TMEM163: variants seen among roughly 807,000 people sequenced by gnomAD.
The protein encoded by TMEM163 is transmembrane protein 163.
A neutral mutation model predicts 29.3 loss-of-function variants in TMEM163; 17 were observed. That is an observed-to-expected ratio of 0.58 (90% CI 0.40 to 0.87). The LOEUF is 0.87. Ranked by LOEUF, TMEM163 falls within the 40% of genes least tolerant of loss-of-function variation. The pLI is 0.00. For missense variants in TMEM163, 303 were observed against 381.5 expected, an observed-to-expected ratio of 0.79 and a Z score of 1.71; for synonymous variants, 157 against 160.6, an observed-to-expected ratio of 0.98 and a Z score of 0.17.
intron 1 of TMEM163, among the ~76,000 whole-genome samples, chr2:134,715,967 G>A (rs1184739000): frequency 6.6e-6 from 1 of 152,198 alleles, no homozygotes; most frequent in African/African-American, 2.4e-5. Context: ...TTATTTTGGA[G>A]AGGGGAAAGG....
chr2:134,503,703 C>A (rs1333535621), intron 4 of TMEM163, among the ~76,000 whole-genome samples: 1 of 152,098 alleles, frequency 6.6e-6, no homozygotes, highest in Non-Finnish European at 1.5e-5. Context: ...GAAGGTCAAC[C>A]AAGACACTCA....
intron 2 of TMEM163, among the ~76,000 whole-genome samples, chr2:134,628,035 T>C (rs549639353): frequency 3.9e-5 from 6 of 152,310 alleles, no homozygotes; most frequent in African/African-American, 1.2e-4. Flanking sequence ...TTATATATCA[T>C]TGAAAAAATG....
intron 4 of TMEM163, among the ~76,000 whole-genome samples, chr2:134,533,606 C>T (rs978233547): frequency 6.6e-6 from 1 of 152,138 alleles, no homozygotes; most frequent in Admixed American, 6.5e-5. Context: ...CAGGGCCTTC[C>T]ATATTCACAA....
At chr2:134,675,895 AC>A (rs950157706) in intron 2 of TMEM163, among the ~76,000 whole-genome samples, 2 of 152,188 alleles carry the variant, frequency 1.3e-5, no homozygotes, top group African/African-American at 4.8e-5. Context: ...TCAGGTCAGC[AC>A]CCCAACCCTA....
intron 2 of TMEM163, among the ~76,000 whole-genome samples, chr2:134,673,062 T>C (rs1049108526): frequency 6.6e-6 from 1 of 152,152 alleles, no homozygotes; most frequent in African/African-American, 2.4e-5. Flanking sequence ...CATTGAACTT[T>C]TGGCTCATAA....
At chr2:134,592,105 G>T (rs1207688653) in intron 2 of TMEM163, among the ~76,000 whole-genome samples, 1 of 152,150 alleles carries the variant, frequency 6.6e-6, no homozygotes, top group Admixed American at 6.5e-5. Context: ...TTTTGGATTG[G>T]CAACTGGTTT....
chr2:134,711,542 C>A (rs1379973091), intron 2 of TMEM163, among the ~76,000 whole-genome samples: 1 of 152,148 alleles, frequency 6.6e-6, no homozygotes, highest in Non-Finnish European at 1.5e-5. Flanking sequence ...GGTGTAAAAT[C>A]ATTTTTAAAA....
chr2:134,649,820 C>A (rs1034747712), intron 2 of TMEM163, among the ~76,000 whole-genome samples: 7 of 151,704 alleles, frequency 4.6e-5, no homozygotes, highest in African/African-American at 1.7e-4. Context: ...TTGAGACCAA[C>A]CTGGGCAATG....
intron 2 of TMEM163, among the ~76,000 whole-genome samples, chr2:134,690,688 A>G (rs577749318): frequency 1.3e-5 from 2 of 152,232 alleles, no homozygotes; most frequent in South Asian, 4.1e-4. Flanking sequence ...TGAGCAAACT[A>G]TGAAAAAACC....
intron 4 of TMEM163, among the ~76,000 whole-genome samples, chr2:134,541,776 A>G (rs201884752): frequency 2.6e-4 from 7 of 26,656 alleles, no homozygotes; most frequent in African/African-American, 8.1e-4. Context: ...ACACGTGCAC[A>G]CACACACACA....
Position 134,568,711 on chromosome 2 carries a change from GAAAC to G in TMEM163, c.323-16624_323-16621del, listed in dbSNP as rs201341931. On this transcript the variant is annotated intron_variant, in intron 2 of 7. Transcript: ENST00000281924. ...AAAAAAGGAAAGAAAGAAAAAGAAA[GAAAC>G]AAACAAAGAAACAAAGAAAGAAAGA... Among the ~76,000 whole-genome samples, 1,281 of 151,800 alleles carry G rather than the reference GAAAC, an allele frequency of 8.4e-3. 9 individuals carry two copies. The highest frequency in any genetic ancestry group is 0.011 in the Non-Finnish European group (778 of 67,860).
At chr2:134,517,706 G>A (rs771810179) in intron 4 of TMEM163, among the ~76,000 whole-genome samples, 4 of 152,096 alleles carry the variant, frequency 2.6e-5, no homozygotes, top group East Asian at 1.9e-4. Flanking sequence ...TGACTTAACC[G>A]CCAAGATCCT....
At chr2:134,518,873 G>A (rs1299733212) in intron 4 of TMEM163, among the ~76,000 whole-genome samples, 1 of 152,126 alleles carries the variant, frequency 6.6e-6, no homozygotes, top group Non-Finnish European at 1.5e-5. Flanking sequence ...GGTGTTCCAG[G>A]AAGAACTTAC....
intron 5 of TMEM163, among the ~76,000 whole-genome samples, chr2:134,491,330 G>A (rs1679425844): frequency 6.6e-6 from 1 of 152,122 alleles, no homozygotes; most frequent in Non-Finnish European, 1.5e-5. Context: ...GCACCCCCTA[G>A]GATAAGTCTC....
intron 2 of TMEM163, among the ~76,000 whole-genome samples, chr2:134,571,117 C>T (rs1681412396): frequency 6.6e-6 from 1 of 152,188 alleles, no homozygotes. Context: ...AACCGATTCA[C>T]ACAAGGAATT....
At chr2:134,691,142 GCCAACTCTC>G (rs1489858490) in intron 2 of TMEM163, among the ~76,000 whole-genome samples, 4 of 152,190 alleles carry the variant, frequency 2.6e-5, no homozygotes, top group African/African-American at 9.6e-5. Context: ...GCAGGGAGCA[GCCAACTCTC>G]CCAGAGCAGG....
intron 2 of TMEM163, among the ~76,000 whole-genome samples, chr2:134,588,878 G>A (rs1681878732): frequency 6.6e-6 from 1 of 152,160 alleles, no homozygotes; most frequent in Non-Finnish European, 1.5e-5. Flanking sequence ...TGGGGAGGAA[G>A]AGGACCAGTT....
At chr2:134,587,446 G>A (rs1190830868) in intron 2 of TMEM163, among the ~76,000 whole-genome samples, 1 of 152,070 alleles carries the variant, frequency 6.6e-6, no homozygotes, top group African/African-American at 2.4e-5. Flanking sequence ...TCACCCCCGT[G>A]TGAGAAGCTA....
At chr2:134,479,493 A>G (rs972165284) in intron 5 of TMEM163, among the ~76,000 whole-genome samples, 1 of 152,186 alleles carries the variant, frequency 6.6e-6, no homozygotes. Context: ...TACATCCCAA[A>G]TGTTTTGGTG....
Sources: allele counts gnomAD v4.1 joint callset (sites outside exome capture counted in the v4.1 genomes callset), GRCh38; gene constraint gnomAD v4.1.1; transcripts MANE v1.5; gene names NCBI Gene and HGNC (gene_info 2026-07-23, HGNC 2026-07-21).